Variants in WIPF1 observed in about 807,000 individuals in gnomAD.
WIPF1 encodes the protein WAS/WASL-interacting protein family member 1.
Under a neutral mutation model 35.4 loss-of-function variants are expected in WIPF1, and 13 were observed. The ratio of observed to expected loss-of-function variants is 0.37; its 90% CI spans 0.24 to 0.58. WIPF1 has a LOEUF of 0.58. Among genes scored for constraint, WIPF1 ranks in the 20% least tolerant of loss-of-function variants. The probability of loss-of-function intolerance (pLI) is 0.74; values close to 1 mark genes in which losing one functional copy is unlikely to be tolerated. For missense variants in WIPF1, 591 were observed against 667.0 expected (o/e 0.89, Z 1.25); for synonymous variants, 267 against 266.3 (o/e 1.00, Z -0.02).
At chr2:174,640,605 G>A (rs1253166491) in intron 1 of WIPF1, among the ~76,000 whole-genome samples, 1 of 151,580 alleles carries the variant, frequency 6.6e-6, no homozygotes, top group Non-Finnish European at 1.5e-5. Flanking sequence ...ATGTATGTAT[G>A]TATGTATTTA....
intron 1 of WIPF1, among the ~76,000 whole-genome samples, chr2:174,603,735 G>A (rs1321262383): frequency 1.3e-5 from 2 of 152,170 alleles, no homozygotes; most frequent in African/African-American, 2.4e-5. Flanking sequence ...AGATGGGTGA[G>A]AGTCAAATAA....
chr2:174,559,620 TG>T lies in WIPF1; in HGVS notation c.*2926del, dbSNP rs1380850391. On this transcript the variant is annotated 3_prime_UTR_variant, in exon 8 of 8. Transcript: ENST00000679041. ...TCTGGCTAACTTACAAAGATGCAGA[TG>T]TCTAGGGTAGTCTCTACCCTACCAC... is the stretch of plus-strand genomic sequence containing the variant. 6.6e-6 allele frequency: 1 copy of T among 152,184 alleles called. No homozygotes were observed. The highest frequency in any genetic ancestry group is 1.5e-5 in the Non-Finnish European group (1 of 68,002). 9.4% of individuals were successfully genotyped at this position (152,184 alleles called of 1,614,324 possible).
intron 1 of WIPF1, among the ~76,000 whole-genome samples, chr2:174,664,083 TC>T: frequency 6.6e-6 from 1 of 152,132 alleles, no homozygotes; most frequent in Non-Finnish European, 1.5e-5. Context: ...AATCCCTGCC[TC>T]CCTCACCAGC....
intron 4 of WIPF1, among the ~76,000 whole-genome samples, chr2:174,572,862 T>A (rs1684920533): frequency 6.6e-6 from 1 of 152,180 alleles, no homozygotes; most frequent in African/African-American, 2.4e-5. Flanking sequence ...GTTTTGAAAC[T>A]AAGTCAGCTG....
Position 174,575,357 on chromosome 2 carries a change from C to T in WIPF1, c.205G>A (p.Gly69Ser), listed in dbSNP as rs1413210669. ...LDKPKGAGAG[G>S]GGGGFGGGGG... ...CCTCCACCAAAGCCACCACCACCGCCTCCAGCACCAGCTCCTTTAGGTTCT... is the reference window on the plus strand; with the variant it reads ...CCTCCACCAAAGCCACCACCACCGCTTCCAGCACCAGCTCCTTTAGGTTCT... Residue 69 changes from glycine to serine, a missense_variant, in exon 4 of 8, where the codon GGC becomes AGC. By Grantham distance (56) the Gly-to-Ser change is moderately conservative. Around this residue, in one of 3 missense-constraint regions of WIPF1, gnomAD observed 471 missense variants for 501.1 expected, o/e 0.94. Transcript: ENST00000679041. 1 of 1,612,576 alleles carries T rather than the reference C, an allele frequency of 6.2e-7. No homozygotes were observed. Among genetic ancestry groups the T allele is most frequent in the African/African-American group, 1.3e-5 (1 of 74,888 alleles).
chr2:174,572,136 A>G lies in WIPF1; in HGVS notation c.669T>C (p.Pro223=). The G allele has an allele frequency of 6.2e-7, 1 of 1,611,364 alleles. No homozygotes were observed. The highest frequency in any genetic ancestry group is 8.5e-7 in the Non-Finnish European group (1 of 1,178,808). Reference sequence around the variant, plus strand: ...CTCCCAAAGCAGTGCCGCGGTTTCCAGGGAAAGGGGGAGGAGTGGGCCCGG... The same window carrying G: ...CTCCCAAAGCAGTGCCGCGGTTTCCGGGGAAAGGGGGAGGAGTGGGCCCGG... ...PSPGPTPPPF[P]GNRGTALGGG... is the part of the protein sequence containing the mutation. The change falls in exon 5 of 8, where the codon CCT becomes CCC. Residue 223 remains proline (P), a synonymous_variant. Transcript: ENST00000679041.
At chr2:174,661,860 G>A (rs1391964738) in intron 1 of WIPF1, among the ~76,000 whole-genome samples, 2 of 152,218 alleles carry the variant, frequency 1.3e-5, no homozygotes, top group African/African-American at 4.8e-5. Flanking sequence ...GTCACTGGGT[G>A]TGTGGTGTCT....
intron 1 of WIPF1, among the ~76,000 whole-genome samples, chr2:174,604,661 C>A (rs575817760): frequency 6.6e-6 from 1 of 152,268 alleles, no homozygotes; most frequent in Non-Finnish European, 1.5e-5. Context: ...AGATTATGGG[C>A]AATTGCATGG....
At position 174,561,913 on chromosome 2, in the gene WIPF1, A is replaced by G; in HGVS notation, c.*634T>C. On this transcript the variant is annotated 3_prime_UTR_variant, in exon 8 of 8. Coordinates refer to ENST00000679041, the MANE Select transcript of WIPF1 (RefSeq NM_001375834.1). ...AAAAATAATATAAAATATCTCATTA[A>G]AATTTTATGTTGATTACAGGTTGAA... 1.3e-6 allele frequency: 1 copy of G among 772,428 alleles called. No homozygotes were observed. Among genetic ancestry groups the G allele is most frequent in the South Asian group, 2.2e-5 (1 of 45,212 alleles). 47.8% of individuals were successfully genotyped at this position (772,428 alleles called of 1,614,324 possible).
At chr2:174,674,851 G>A (rs1410230550) in intron 1 of WIPF1, among the ~76,000 whole-genome samples, 1 of 151,582 alleles carries the variant, frequency 6.6e-6, no homozygotes, top group Non-Finnish European at 1.5e-5. Context: ...TACTCCTTTA[G>A]AGACTCTGAC....
chr2:174,661,403 A>C (rs1687757025), intron 1 of WIPF1, among the ~76,000 whole-genome samples: 2 of 146,694 alleles, frequency 1.4e-5, no homozygotes, highest in Non-Finnish European at 1.5e-5. Context: ...CCACAGCCAC[A>C]CTCCCTCTCT....
Position 174,628,234 on chromosome 2 carries a change from T to C in WIPF1, c.-38-42623A>G, listed in dbSNP as rs539082128. Among the ~76,000 whole-genome samples, 34 of 152,312 alleles carry C rather than the reference T, an allele frequency of 2.2e-4. 1 individual carries two copies. In the South Asian group the frequency reaches 6.2e-3, roughly 28 times the overall value. On this transcript the variant is annotated intron_variant, in intron 1 of 8. Transcript: ENST00000272746. ...GCTAATGGTACCCAGGAAGTTGACT[T>C]AGCATTCAGAATGTGGTTCAGGGGT...
At chr2:174,605,446 A>T (rs1360575702) in intron 1 of WIPF1, among the ~76,000 whole-genome samples, 1 of 152,218 alleles carries the variant, frequency 6.6e-6, no homozygotes, top group Non-Finnish European at 1.5e-5. Context: ...TCAAACAAAC[A>T]AACAAACAAA....
intron 3 of WIPF1, among the ~76,000 whole-genome samples, chr2:174,577,298 C>G (rs1685090838): frequency 6.6e-6 from 1 of 151,952 alleles, no homozygotes; most frequent in Non-Finnish European, 1.5e-5. Flanking sequence ...CAGTTTAAAG[C>G]CTCCTCTTCT....
intron 1 of WIPF1, among the ~76,000 whole-genome samples, chr2:174,642,262 C>A (rs185644211): frequency 5.4e-4 from 82 of 151,216 alleles, no homozygotes; most frequent in South Asian, 4.9e-3. Context: ...GCTTTCCTGT[C>A]AATTCTAATT....
At chr2:174,602,674 G>T (rs1686046632), upstream of WIPF1, among the ~76,000 whole-genome samples, 1 of 152,202 alleles carries the variant, frequency 6.6e-6, no homozygotes, top group African/African-American at 2.4e-5. Flanking sequence ...ATAATTATCA[G>T]TACAGCTACA....
At chr2:174,669,014 A>G (rs1234336270) in intron 1 of WIPF1, among the ~76,000 whole-genome samples, 1 of 152,228 alleles carries the variant, frequency 6.6e-6, no homozygotes, top group African/African-American at 2.4e-5. Flanking sequence ...TGCCTGCCTT[A>G]GAGGGTGGTT....
Position 174,561,323 on chromosome 2 carries a change from T to A in WIPF1, c.*1224A>T, listed in dbSNP as rs1684478223. 6.6e-6 allele frequency: 1 copy of A among 152,334 alleles called. No homozygotes were observed. Among genetic ancestry groups the A allele is most frequent in the Non-Finnish European group, 1.5e-5 (1 of 68,070 alleles). The allele number at this position is 152,334 out of a possible 1,614,324, so 9.4% of individuals were successfully genotyped here. On this transcript the variant is annotated 3_prime_UTR_variant, in exon 8 of 8. Coordinates refer to ENST00000679041, the MANE Select transcript of WIPF1 (RefSeq NM_001375834.1). ...CTTCTTCCATGTTTCTGATTTGATATATTTTCCTGACTTTTTTCCCCTCCT... is the reference window on the plus strand; with the variant it reads ...CTTCTTCCATGTTTCTGATTTGATAAATTTTCCTGACTTTTTTCCCCTCCT...
In WIPF1 at chr2:174,655,150, G is replaced by A. The variant is rs115056884; in HGVS notation, c.-39+27624C>T. Among the ~76,000 whole-genome samples, 722 of 151,808 alleles carry A rather than the reference G, an allele frequency of 4.8e-3. 8 individuals are homozygous for A. The highest frequency in any genetic ancestry group is 0.016 in the African/African-American group (676 of 41,260). ...AGCCAGAAATCTGAGGATCACCCTT[G>A]CCCCTTCCCTCGTATTCACCCCCAT... On this transcript the variant is annotated intron_variant, in intron 1 of 8. Transcript: ENST00000272746.
Sources: allele counts gnomAD v4.1 joint callset (sites outside exome capture counted in the v4.1 genomes callset), GRCh38; gene constraint gnomAD v4.1.1; regional missense constraint gnomAD v4.1.1; transcripts MANE v1.5; gene names NCBI Gene and HGNC (gene_info 2026-07-23, HGNC 2026-07-21).